The following GPD2 variants were observed in gnomAD, a reference collection of about 807,000 sequenced individuals.
GPD2 encodes the protein glycerol-3-phosphate dehydrogenase 2, also known as glycerol-3-phosphate dehydrogenase, mitochondrial.
A neutral mutation model predicts 82.4 loss-of-function variants in GPD2; 54 were observed. The ratio of observed to expected loss-of-function variants is 0.66; its 90% CI spans 0.53 to 0.82. The LOEUF (loss-of-function observed/expected upper bound fraction) is 0.82. Among genes scored for constraint, GPD2 ranks in the 40% least tolerant of loss-of-function variants. The pLI, the probability that GPD2 is intolerant of heterozygous loss-of-function variation, is 0.00. For missense variants in GPD2, 748 were observed against 896.2 expected, an observed-to-expected ratio of 0.83 and a Z score of 2.11; for synonymous variants, 288 against 306.1, an observed-to-expected ratio of 0.94 and a Z score of 0.62.
chr2:156,407,301 AT>A, the GPD2 span, among the ~76,000 whole-genome samples: 169 of 152,250 alleles, frequency 1.1e-3, 1 homozygote, highest in African/African-American at 2.5e-3. Flanking sequence ...TATTAAAAAA[AT>A]TTTTTTAATC....
intron 1 of GPD2, among the ~76,000 whole-genome samples, chr2:156,451,559 G>A (rs1258668750): frequency 7.2e-6 from 1 of 139,828 alleles, no homozygotes; most frequent in African/African-American, 2.6e-5. Context: ...CGGCTGGCCG[G>A]GCGGGGGTCT....
the GPD2 span, among the ~76,000 whole-genome samples, chr2:156,418,711 G>A: frequency 2.0e-5 from 3 of 152,106 alleles, no homozygotes; most frequent in Non-Finnish European, 2.9e-5. Context: ...CCCAAGCACC[G>A]TGATTCCAAA....
intron 6 of GPD2, among the ~76,000 whole-genome samples, chr2:156,520,165 C>T (rs750930244): frequency 1.6e-4 from 25 of 152,144 alleles, no homozygotes; most frequent in Non-Finnish European, 2.9e-4. Flanking sequence ...ACTCCTCTGC[C>T]GGTGGAATTT....
the GPD2 span, among the ~76,000 whole-genome samples, chr2:156,425,605 G>A: frequency 6.6e-6 from 1 of 152,150 alleles, no homozygotes; most frequent in Admixed American, 6.5e-5. Context: ...AAGTGATGGT[G>A]CAGACTTTAT....
At chr2:156,441,974 ATTAC>A (rs1364118597) in intron 1 of GPD2, among the ~76,000 whole-genome samples, 6 of 152,184 alleles carry the variant, frequency 3.9e-5, no homozygotes, top group Non-Finnish European at 8.8e-5. Flanking sequence ...AAATGAAAGA[ATTAC>A]TTATGTACTG....
chr2:156,430,098 G>T, the GPD2 span, among the ~76,000 whole-genome samples: 102 of 152,192 alleles, frequency 6.7e-4, no homozygotes, highest in African/African-American at 2.3e-3. Flanking sequence ...CCAAATTAAA[G>T]AATATAATGA....
Position 156,525,659 on chromosome 2 carries a change from T to C in GPD2, c.661+12163T>C, listed in dbSNP as rs114944273. Among the ~76,000 whole-genome samples the C allele has an allele frequency of 4.3e-3, 659 of 152,340 alleles. 3 individuals carry two copies. Among genetic ancestry groups the C allele is most frequent in the African/African-American group, 0.015 (634 of 41,574 alleles). On this transcript the variant is annotated intron_variant, in intron 6 of 16. Transcript: ENST00000438166. Reference sequence around the variant, plus strand: ...GTTTAATTTTATTTTTCAGTTTCGTTGTTGAATGGGGACATACGGACAAAT... The same window carrying C: ...GTTTAATTTTATTTTTCAGTTTCGTCGTTGAATGGGGACATACGGACAAAT...
Position 156,510,937 on chromosome 2 carries a change from G to A in GPD2, c.399+17G>A, listed in dbSNP as rs1284812015. On this transcript the variant is annotated intron_variant, in intron 4 of 16. Transcript: ENST00000438166. ...ATTGAGCAGGTAATTGTGTATGCTG[G>A]TTGTTAAACAAAAATTGCAACTGTG... The A allele has an allele frequency of 6.2e-7, 1 of 1,612,098 alleles. No homozygotes were observed. Among genetic ancestry groups the A allele is most frequent in the African/African-American group, 1.3e-5 (1 of 74,864 alleles).
the GPD2 span, among the ~76,000 whole-genome samples, chr2:156,416,107 A>G: frequency 4.9e-4 from 75 of 151,710 alleles, no homozygotes; most frequent in Non-Finnish European, 8.7e-4. Flanking sequence ...CACTTAATTC[A>G]TTCCTTTTTA....
chr2:156,563,059 G>A (rs1451700125), intron 9 of GPD2, among the ~76,000 whole-genome samples: 1 of 152,050 alleles, frequency 6.6e-6, no homozygotes, highest in African/African-American at 2.4e-5. Context: ...AAGCATTCAT[G>A]TAATTTGGAA....
rs17266469 is a variant in GPD2, at chr2:156,569,460, G to A, written c.1398G>A (p.Gly466=). Reference sequence around the variant, plus strand: ...AAGCAGGACCAAGTAGAACAGTTGGGCTTTTCCTTCAAGGGGGTAAAGATT... The same window carrying A: ...AAGCAGGACCAAGTAGAACAGTTGGACTTTTCCTTCAAGGGGGTAAAGATT... The part of the protein sequence containing the change: ...NLKAGPSRTV[G]LFLQGGKDWS... Residue 466 remains glycine, a synonymous_variant, in exon 11 of 17, where the codon GGG becomes GGA. Transcript: ENST00000438166. 0.027 allele frequency: 43,692 copies of A among 1,611,628 alleles called. 754 individuals are homozygous for A. Among genetic ancestry groups the A allele is most frequent in the Non-Finnish European group, 0.033 (39,051 of 1,177,914 alleles).
chr2:156,581,260 C>T (rs536291482), intron 16 of GPD2, among the ~76,000 whole-genome samples: 56 of 152,156 alleles, frequency 3.7e-4, no homozygotes, highest in African/African-American at 1.3e-3. Context: ...TGATTTTCAA[C>T]TTTAAAATGC....
chr2:156,491,777 C>T (rs1221621459), intron 2 of GPD2, among the ~76,000 whole-genome samples: 1 of 152,044 alleles, frequency 6.6e-6, no homozygotes, highest in African/African-American at 2.4e-5. Context: ...AATCCCAGCA[C>T]TTTGGGAGCC....
chr2:156,455,430 T>C (rs1286310773), intron 1 of GPD2, among the ~76,000 whole-genome samples: 1 of 152,188 alleles, frequency 6.6e-6, no homozygotes, highest in Non-Finnish European at 1.5e-5. Flanking sequence ...TGACAATCCT[T>C]TGTCTAATGA....
chr2:156,571,599 A>G (rs920042329), intron 13 of GPD2, among the ~76,000 whole-genome samples: 4 of 152,172 alleles, frequency 2.6e-5, no homozygotes, highest in Admixed American at 6.6e-5. Flanking sequence ...CTTGGAACAT[A>G]ATCAGTGAAA....
chr2:156,401,599 T>C, the GPD2 span, among the ~76,000 whole-genome samples: 1 of 152,164 alleles, frequency 6.6e-6, no homozygotes, highest in African/African-American at 2.4e-5. Context: ...TTGTTAGAAA[T>C]TGGGAACAGA....
chr2:156,582,465 A>T (rs888751242), intron 16 of GPD2, among the ~76,000 whole-genome samples: 1 of 143,498 alleles, frequency 7.0e-6, no homozygotes. Flanking sequence ...GGAATTAAAG[A>T]TCCAATATTT....
At chr2:156,554,700 C>T (rs1686895056) in intron 8 of GPD2, among the ~76,000 whole-genome samples, 1 of 152,108 alleles carries the variant, frequency 6.6e-6, no homozygotes, top group Admixed American at 6.5e-5. Flanking sequence ...CTTCCAAAAG[C>T]AATGATAATA....
chr2:156,441,288 A>G (rs1442742681), intron 1 of GPD2, among the ~76,000 whole-genome samples: 1 of 152,136 alleles, frequency 6.6e-6, no homozygotes, highest in Non-Finnish European at 1.5e-5. Flanking sequence ...GTGGTGGCTC[A>G]CACCTGTAAG....
Sources: gnomAD v4.1 joint callset for allele counts (sites outside exome capture counted in the v4.1 genomes callset) on GRCh38, gnomAD v4.1.1 for gene constraint, MANE v1.5 for transcripts, NCBI Gene and HGNC (gene_info 2026-07-23, HGNC 2026-07-21) for gene names.